Variants in DMRT1 observed in about 807,000 individuals in gnomAD.
DMRT1 encodes the protein doublesex- and mab-3-related transcription factor 1.
Under a neutral mutation model 32.3 loss-of-function variants are expected in DMRT1, and 7 were observed. The observed-to-expected ratio is 0.22, with a 90% CI of 0.12 to 0.41. DMRT1 has a LOEUF of 0.41. Among genes scored for constraint, DMRT1 ranks in the 10% least tolerant of loss-of-function variants. The probability of loss-of-function intolerance (pLI) is 1.00; values close to 1 mark genes in which losing one functional copy is unlikely to be tolerated. For synonymous variants in DMRT1, 278 were observed against 206.1 expected (o/e 1.35, Z -2.99); for missense variants, 625 against 500.5 (o/e 1.25, Z -2.37).
chr9:952,431 G>T (rs1314681571), intron 4 of DMRT1, among the ~76,000 whole-genome samples: 1 of 152,178 alleles, frequency 6.6e-6, no homozygotes. Context: ...TAAAATTACG[G>T]TGTAATCAAA....
At chr9:921,726 A>T (rs989954017) in intron 4 of DMRT1, among the ~76,000 whole-genome samples, 10 of 152,204 alleles carry the variant, frequency 6.6e-5, no homozygotes, top group African/African-American at 1.9e-4. Context: ...AATAAAAAAT[A>T]AAAAATTAGC....
chr9:934,801 A>C (rs1031729554), intron 4 of DMRT1, among the ~76,000 whole-genome samples: 1 of 152,186 alleles, frequency 6.6e-6, no homozygotes, highest in Non-Finnish European at 1.5e-5. Flanking sequence ...GCAAAAGAGG[A>C]AAGTTTTGAC....
At chr9:910,873 T>C (rs2085967877) in intron 3 of DMRT1, among the ~76,000 whole-genome samples, 1 of 152,042 alleles carries the variant, frequency 6.6e-6, no homozygotes, top group Non-Finnish European at 1.5e-5. Flanking sequence ...GTTTTTAGGG[T>C]TTACTTGGTT....
chr9:856,117 A>C (rs1205094871), intron 2 of DMRT1, among the ~76,000 whole-genome samples: 1 of 149,514 alleles, frequency 6.7e-6, no homozygotes, highest in Non-Finnish European at 1.5e-5. Context: ...AGGTTTCACC[A>C]TGTTGGCCAG....
chr9:874,699 A>T (rs112029687), intron 2 of DMRT1, among the ~76,000 whole-genome samples: 1 of 152,046 alleles, frequency 6.6e-6, no homozygotes, highest in African/African-American at 2.4e-5. Flanking sequence ...CTCTGTGGAC[A>T]CAAAAGGAAC....
At position 842,025 on chromosome 9, in the gene DMRT1, C is replaced by T. The variant is rs1003340621; in HGVS notation, c.187C>T (p.Leu63=). The T allele has an allele frequency of 6.5e-7, 1 of 1,549,440 alleles. No individual in the cohort carries two copies. Among genetic ancestry groups the T allele is most frequent in the Non-Finnish European group, 8.7e-7 (1 of 1,149,790 alleles). Residue 63 remains leucine (L), a synonymous_variant, in exon 1 of 5, where the codon CTG becomes TTG. Transcript: ENST00000382276. ...CGGCTCCGGCTCCGGGGCGTCGGAC[C>T]TGGGTGCCGGGAGCAAGAAGTCCCC... is the stretch of plus-strand genomic sequence containing the variant. ...GGGSGSGASD[L]GAGSKKSPRL... is the part of the protein sequence containing the mutation.
intron 2 of DMRT1, among the ~76,000 whole-genome samples, chr9:862,333 C>G (rs1369078960): frequency 1.3e-5 from 2 of 152,128 alleles, no homozygotes; most frequent in Non-Finnish European, 2.9e-5. Flanking sequence ...AACCCCGTCT[C>G]CACCGAAAAA....
chr9:960,709 C>T (rs993000290), intron 4 of DMRT1, among the ~76,000 whole-genome samples: 1 of 152,186 alleles, frequency 6.6e-6, no homozygotes, highest in South Asian at 2.1e-4. Context: ...ACAGGTACTC[C>T]TAAGTGAGAG....
At chr9:852,672 T>C (rs942013188) in intron 2 of DMRT1, among the ~76,000 whole-genome samples, 1 of 152,226 alleles carries the variant, frequency 6.6e-6, no homozygotes, top group Non-Finnish European at 1.5e-5. Context: ...CTGAATGTTA[T>C]CTGTCTTGGG....
intron 4 of DMRT1, among the ~76,000 whole-genome samples, chr9:960,093 C>G (rs541760053): frequency 1.3e-5 from 2 of 152,292 alleles, no homozygotes; most frequent in South Asian, 4.2e-4. Flanking sequence ...TCTCCTGGCT[C>G]TTTGCCCTAG....
At chr9:854,771 C>A (rs1381240726) in intron 2 of DMRT1, among the ~76,000 whole-genome samples, 1 of 107,914 alleles carries the variant, frequency 9.3e-6, no homozygotes, top group Non-Finnish European at 1.9e-5. Flanking sequence ...AAACAAAACT[C>A]CTTTTTTTTT....
intron 4 of DMRT1, among the ~76,000 whole-genome samples, chr9:954,114 G>T (rs1378205339): frequency 6.6e-6 from 1 of 152,148 alleles, no homozygotes; most frequent in African/African-American, 2.4e-5. Flanking sequence ...GTCTGTGCAG[G>T]CATCTGGAGC....
intron 2 of DMRT1, among the ~76,000 whole-genome samples, chr9:850,630 T>A (rs1044529913): frequency 4.6e-5 from 7 of 152,228 alleles, no homozygotes; most frequent in African/African-American, 1.7e-4. Flanking sequence ...TATAAAATAT[T>A]TGCATAATTA....
chr9:920,672 C>G lies in DMRT1; in HGVS notation c.967+3765C>G, dbSNP rs571718506. Among the ~76,000 whole-genome samples the G allele has an allele frequency of 4.6e-5, 7 of 152,294 alleles. No homozygotes were observed. The South Asian group carries it at 1.5e-3, about 32-fold the overall frequency. Reference sequence around the variant, plus strand: ...AAGTGAGTTCAAGGAAGGGCCTTGGCTCCTTCTTTAAAGAAGAGAGATTTT... The same window carrying G: ...AAGTGAGTTCAAGGAAGGGCCTTGGGTCCTTCTTTAAAGAAGAGAGATTTT... On this transcript the variant is annotated intron_variant, in intron 4 of 4. Transcript: ENST00000382276.
intron 2 of DMRT1, among the ~76,000 whole-genome samples, chr9:860,416 C>T (rs1015914065): frequency 1.3e-5 from 2 of 152,068 alleles, no homozygotes; most frequent in African/African-American, 4.8e-5. Context: ...GAATTCATCT[C>T]TGCTGGAGAG....
In DMRT1 at chr9:841,972, C is replaced by T. The variant is rs764833251; in HGVS notation, c.134C>T (p.Ser45Leu). The part of the protein sequence containing the change: ...SGALVGAASG[S>L]SAGGSSRGGG... ...GCGCTAGTGGGGGCGGCCAGCGGCT[C>T]GAGCGCCGGGGGCAGCAGCAGAGGA... The change falls in exon 1 of 5, where the codon TCG (serine) becomes TTG (leucine). Residue 45 changes from serine (S) to leucine (L), a missense_variant. This residue lies in a region of DMRT1 where 201 missense variants were observed against 152.0 expected (regional missense o/e 1.32). Coordinates refer to ENST00000382276, the MANE Select transcript of DMRT1 (RefSeq NM_021951.3). 2 of 1,582,386 alleles carry T rather than the reference C, an allele frequency of 1.3e-6. No homozygotes were observed. Among genetic ancestry groups the T allele is most frequent in the Admixed American group, 1.8e-5 (1 of 55,732 alleles).
chr9:959,426 G>A (rs1305302080), intron 4 of DMRT1, among the ~76,000 whole-genome samples: 10 of 152,238 alleles, frequency 6.6e-5, no homozygotes, highest in Non-Finnish European at 8.8e-5. Context: ...TCTGTGTCCA[G>A]GCTTTGCATA....
intron 3 of DMRT1, among the ~76,000 whole-genome samples, chr9:896,550 C>T (rs1405788496): frequency 6.6e-6 from 1 of 152,134 alleles, no homozygotes; most frequent in African/African-American, 2.4e-5. Flanking sequence ...TGCGGTGGCT[C>T]ATGCCTGTAT....
chr9:930,300 CCTTGGCTCAAGTCATCTGA>C (rs1333540527), intron 4 of DMRT1, among the ~76,000 whole-genome samples: 1 of 138,936 alleles, frequency 7.2e-6, no homozygotes, highest in Non-Finnish European at 1.5e-5. Flanking sequence ...GCCTTGAACT[CCTTGGCTCAAGTCATCTGA>C]ATTCCTTGGC....
Sources: allele counts gnomAD v4.1 joint callset (sites outside exome capture counted in the v4.1 genomes callset), GRCh38; gene constraint gnomAD v4.1.1; regional missense constraint gnomAD v4.1.1; transcripts MANE v1.5; gene names NCBI Gene and HGNC (gene_info 2026-07-23, HGNC 2026-07-21).